The following PCDH15 variants were observed in gnomAD, a reference collection of about 807,000 sequenced individuals.
PCDH15 encodes the protein protocadherin-15.
PCDH15 carries 129 observed loss-of-function variants against 178.5 expected under a neutral mutation model. The observed-to-expected ratio is 0.72, with a 90% CI of 0.63 to 0.84. The LOEUF is 0.84. Ranked by LOEUF, PCDH15 falls within the 40% of genes least tolerant of loss-of-function variation. The pLI, the probability that PCDH15 is intolerant of heterozygous loss-of-function variation, is 0.00. For missense variants in PCDH15, 2,230 were observed against 2,099.9 expected (o/e 1.06, Z -1.21); for synonymous variants, 800 against 732.0 (o/e 1.09, Z -1.50).
In PCDH15 at chr10:53,854,897, G is replaced by A. The variant is rs548706787; in HGVS notation, c.3806+2278C>T. ...AAATCCAAAGTTTTATGAAGTCAGA[G>A]CTTCCTTCACAATGATACGATTCTC... On this transcript the variant is annotated intron_variant, in intron 28 of 37. Transcript: ENST00000644397. Among the ~76,000 whole-genome samples the A allele has an allele frequency of 1.1e-4, 16 of 152,128 alleles. No homozygotes were observed. The East Asian group carries it at 3.1e-3, about 29-fold the overall frequency.
chr10:55,200,303 C>T (rs895912501), intron 1 of PCDH15, among the ~76,000 whole-genome samples: 4 of 152,104 alleles, frequency 2.6e-5, no homozygotes, highest in African/African-American at 7.3e-5. Flanking sequence ...TATTTTGGAG[C>T]TTTACAATTT....
At chr10:54,877,622 A>G (rs1450634894) in intron 3 of PCDH15, among the ~76,000 whole-genome samples, 1 of 152,162 alleles carries the variant, frequency 6.6e-6, no homozygotes, top group African/African-American at 2.4e-5. Flanking sequence ...TTATATGAGC[A>G]TATATGCACA....
At chr10:53,960,436 A>G (rs574763816) in intron 22 of PCDH15, among the ~76,000 whole-genome samples, 52 of 152,342 alleles carry the variant, frequency 3.4e-4, no homozygotes, top group Admixed American at 1.4e-3. Context: ...CATTTGGTAT[A>G]GCAGAAATTG....
At chr10:53,816,872 G>A (rs1026706189) in intron 34 of PCDH15, among the ~76,000 whole-genome samples, 3 of 152,150 alleles carry the variant, frequency 2.0e-5, no homozygotes, top group African/African-American at 7.2e-5. Flanking sequence ...AGATTTGGTA[G>A]GAATTGCTTC....
At chr10:55,000,707 A>C (rs1839777400) in intron 2 of PCDH15, among the ~76,000 whole-genome samples, 1 of 152,196 alleles carries the variant, frequency 6.6e-6, no homozygotes, top group African/African-American at 2.4e-5. Context: ...TTATAAAAGT[A>C]TTAATTTGGG....
chr10:54,169,124 C>T (rs1357648192), intron 13 of PCDH15, among the ~76,000 whole-genome samples: 2 of 151,442 alleles, frequency 1.3e-5, no homozygotes, highest in South Asian at 2.1e-4. Context: ...CACTGAAAAT[C>T]GGACTGTTCA....
At chr10:54,804,004 A>G (rs1032244534), upstream of PCDH15, among the ~76,000 whole-genome samples, 8 of 152,206 alleles carry the variant, frequency 5.3e-5, no homozygotes, top group Admixed American at 3.3e-4. Context: ...GAAACATATT[A>G]AAAAGTGGTA....
chr10:54,704,735 G>A (rs1162464025), intron 1 of PCDH15, among the ~76,000 whole-genome samples: 3 of 152,110 alleles, frequency 2.0e-5, no homozygotes, highest in Admixed American at 1.3e-4. Flanking sequence ...GGGAATGTAA[G>A]TTGATTAAGC....
At chr10:54,053,499 A>G (rs140182998) in intron 18 of PCDH15, among the ~76,000 whole-genome samples, 1,688 of 152,320 alleles carry the variant, frequency 0.011, 35 homozygotes, top group African/African-American at 0.039. Flanking sequence ...TGTACACAGT[A>G]TTACATGAGA....
chr10:54,148,989 T>C (rs1314665145), intron 14 of PCDH15, among the ~76,000 whole-genome samples: 4 of 152,132 alleles, frequency 2.6e-5, no homozygotes, highest in African/African-American at 9.7e-5. Context: ...TTCTGTGGCA[T>C]GGCCTTTTAA....
intron 8 of PCDH15, among the ~76,000 whole-genome samples, chr10:54,242,420 A>C (rs962179391): frequency 2.0e-5 from 3 of 151,698 alleles, no homozygotes; most frequent in Non-Finnish European, 4.4e-5. Flanking sequence ...GTCATGATCC[A>C]TAGAACAATA....
chr10:54,702,373 C>A (rs2095317611), intron 1 of PCDH15, among the ~76,000 whole-genome samples: 1 of 151,624 alleles, frequency 6.6e-6, no homozygotes, highest in Non-Finnish European at 1.5e-5. Context: ...CAGATCTGAA[C>A]TGAATGAAAT....
chr10:54,681,774 A>G (rs914674190), intron 1 of PCDH15, among the ~76,000 whole-genome samples: 7 of 152,244 alleles, frequency 4.6e-5, no homozygotes, highest in African/African-American at 1.7e-4. Context: ...AACTTGGCAC[A>G]TGTGTGCACT....
chr10:55,303,441 G>GT, intron 1 of PCDH15, among the ~76,000 whole-genome samples: 1 of 152,184 alleles, frequency 6.6e-6, no homozygotes, highest in South Asian at 2.1e-4. Flanking sequence ...TTTCCATTGT[G>GT]GACTAACAGT....
intron 2 of PCDH15, among the ~76,000 whole-genome samples, chr10:54,630,148 A>T (rs1565798205): frequency 6.6e-6 from 1 of 152,192 alleles, no homozygotes; most frequent in Non-Finnish European, 1.5e-5. Flanking sequence ...CGTTTTTCCC[A>T]GAACTAGAAG....
intron 2 of PCDH15, among the ~76,000 whole-genome samples, chr10:55,149,339 A>T (rs2132099026): frequency 6.6e-6 from 1 of 152,018 alleles, no homozygotes; most frequent in African/African-American, 2.4e-5. Flanking sequence ...ATTCAATGAA[A>T]GCCTTAAAAT....
intron 8 of PCDH15, among the ~76,000 whole-genome samples, chr10:54,276,364 A>C (rs766876372): frequency 6.6e-6 from 1 of 151,720 alleles, no homozygotes; most frequent in African/African-American, 2.4e-5. Flanking sequence ...AAAAGAGAAA[A>C]TCCAACTGAA....
At chr10:54,825,022 C>T (rs541840631) in intron 3 of PCDH15, among the ~76,000 whole-genome samples, 148 of 152,204 alleles carry the variant, frequency 9.7e-4, no homozygotes, top group African/African-American at 3.4e-3. Context: ...ATCCCTCCCC[C>T]CTCCTCCCAC....
chr10:55,226,435 GC>G (rs1841044860), intron 1 of PCDH15, among the ~76,000 whole-genome samples: 1 of 71,012 alleles, frequency 1.4e-5, no homozygotes, highest in Admixed American at 1.5e-4. Context: ...TCGGCTCACT[GC>G]AACCCTGCAA....
Sources: allele counts gnomAD v4.1 joint callset (sites outside exome capture counted in the v4.1 genomes callset), GRCh38; gene constraint gnomAD v4.1.1; transcripts MANE v1.5; gene names NCBI Gene and HGNC (gene_info 2026-07-23, HGNC 2026-07-21).